Variants in MGAT4C observed in about 807,000 individuals in gnomAD.
MGAT4C encodes MGAT4 family member C.
MGAT4C carries 19 observed loss-of-function variants against 40.1 expected under a neutral mutation model. The observed-to-expected ratio is 0.47, with a 90% CI of 0.33 to 0.70. MGAT4C has a LOEUF of 0.70. Ranked by LOEUF, MGAT4C falls within the 30% of genes least tolerant of loss-of-function variation. The probability of loss-of-function intolerance (pLI) is 0.02; values close to 1 mark genes in which losing one functional copy is unlikely to be tolerated. For synonymous variants in MGAT4C, 181 were observed against 187.1 expected (o/e 0.97, Z 0.27); for missense variants, 491 against 563.2 (o/e 0.87, Z 1.30).
chr12:86,408,793 T>C (rs984904886), intron 3 of MGAT4C, among the ~76,000 whole-genome samples: 24 of 151,958 alleles, frequency 1.6e-4, no homozygotes, highest in Middle Eastern at 3.2e-3. Context: ...AAAGGAGAGA[T>C]AGAACTTCTG....
At chr12:86,379,142 G>T (rs1489312240) in intron 3 of MGAT4C, among the ~76,000 whole-genome samples, 2 of 151,774 alleles carry the variant, frequency 1.3e-5, no homozygotes, top group Non-Finnish European at 2.9e-5. Flanking sequence ...TAAAATATTG[G>T]TAATACTCAT....
chr12:86,729,187 G>T (rs981687945), intron 1 of MGAT4C, among the ~76,000 whole-genome samples: 5 of 152,040 alleles, frequency 3.3e-5, no homozygotes, highest in Non-Finnish European at 7.4e-5. Flanking sequence ...TCATTTAATT[G>T]TACATTTAAA....
intron 2 of MGAT4C, among the ~76,000 whole-genome samples, chr12:86,452,144 T>C (rs575395488): frequency 6.6e-6 from 1 of 152,196 alleles, no homozygotes; most frequent in African/African-American, 2.4e-5. Flanking sequence ...AGAGCTCTTC[T>C]GGCATCCCCA....
chr12:86,829,197 G>A (rs2254436), intron 1 of MGAT4C, among the ~76,000 whole-genome samples: 1 of 151,364 alleles, frequency 6.6e-6, no homozygotes, highest in Non-Finnish European at 1.5e-5. Context: ...AATAATATGA[G>A]AAATTGTTTT....
chr12:86,144,121 A>G (rs1199963103), intron 1 of MGAT4C, among the ~76,000 whole-genome samples: 6 of 152,220 alleles, frequency 3.9e-5, no homozygotes, highest in Non-Finnish European at 8.8e-5. Flanking sequence ...GACAAATTTA[A>G]ACAGAGAGGA....
At chr12:86,635,219 G>A (rs1281924294) in intron 2 of MGAT4C, among the ~76,000 whole-genome samples, 1 of 152,036 alleles carries the variant, frequency 6.6e-6, no homozygotes, top group African/African-American at 2.4e-5. Flanking sequence ...TGATTCTCCG[G>A]TTTTTGCATT....
intron 1 of MGAT4C, among the ~76,000 whole-genome samples, chr12:86,050,729 T>A (rs1471584827): frequency 6.6e-6 from 1 of 152,020 alleles, no homozygotes; most frequent in African/African-American, 2.4e-5. Flanking sequence ...CATTGGAATT[T>A]CCACATTTTT....
intron 4 of MGAT4C, among the ~76,000 whole-genome samples, chr12:86,270,798 C>T (rs1013937542): frequency 2.6e-5 from 4 of 152,076 alleles, no homozygotes; most frequent in Non-Finnish European, 5.9e-5. Flanking sequence ...CTATAGTAAA[C>T]GACATGGTAT....
chr12:86,530,033 T>A (rs867972023), intron 2 of MGAT4C, among the ~76,000 whole-genome samples: 22 of 152,158 alleles, frequency 1.4e-4, no homozygotes, highest in African/African-American at 2.6e-4. Flanking sequence ...GTATCTTTTT[T>A]AATTTATTTA....
At chr12:86,680,027 A>G (rs1949950689) in intron 2 of MGAT4C, among the ~76,000 whole-genome samples, 1 of 151,536 alleles carries the variant, frequency 6.6e-6, no homozygotes, top group African/African-American at 2.4e-5. Flanking sequence ...CCCTCTTGCT[A>G]CCTCTTTCTA....
At chr12:86,764,429 G>A (rs976123765) in intron 1 of MGAT4C, among the ~76,000 whole-genome samples, 3 of 152,078 alleles carry the variant, frequency 2.0e-5, no homozygotes, top group African/African-American at 4.8e-5. Flanking sequence ...TCCACCTCTG[G>A]GGGCAGGGCA....
At chr12:86,629,938 C>A (rs1263595937) in intron 2 of MGAT4C, among the ~76,000 whole-genome samples, 3 of 152,046 alleles carry the variant, frequency 2.0e-5, no homozygotes, top group South Asian at 2.1e-4. Flanking sequence ...GCACAAAAAA[C>A]CATTCAAAAA....
chr12:85,961,616 C>T lies in MGAT4C; in HGVS notation c.*17673G>A, dbSNP rs1883115221. 1 of 151,742 alleles carries T rather than the reference C, an allele frequency of 6.6e-6. No individual in the cohort carries two copies. Among genetic ancestry groups the T allele is most frequent in the African/African-American group, 2.4e-5 (1 of 41,390 alleles). The allele number at this position is 151,742 out of a possible 1,614,324, so 9.4% of individuals were successfully genotyped here. A position where few individuals can be genotyped will look rare whatever the true frequency, so the allele number is the denominator to read the frequency against. On this transcript the variant is annotated 3_prime_UTR_variant, in exon 5 of 5. Coordinates refer to ENST00000611864, the MANE Select transcript of MGAT4C (RefSeq NM_001351288.2). ...TATATGCTTGTCACTATATAAACTTCACCCTAAGGAAATTTCCATGTCAGA... is the reference window on the plus strand; with the variant it reads ...TATATGCTTGTCACTATATAAACTTTACCCTAAGGAAATTTCCATGTCAGA...
chr12:86,079,394 G>C (rs1344298134), intron 1 of MGAT4C, among the ~76,000 whole-genome samples: 1 of 152,154 alleles, frequency 6.6e-6, no homozygotes, highest in African/African-American at 2.4e-5. Context: ...AAGGCAAAGT[G>C]AGGAAACCCT....
intron 1 of MGAT4C, among the ~76,000 whole-genome samples, chr12:86,166,246 A>G (rs1223748754): frequency 6.6e-6 from 1 of 152,216 alleles, no homozygotes; most frequent in African/African-American, 2.4e-5. Context: ...TTAAGATAAT[A>G]AAATGCATCT....
intron 2 of MGAT4C, among the ~76,000 whole-genome samples, chr12:86,577,577 A>T (rs936920846): frequency 6.6e-6 from 1 of 151,854 alleles, no homozygotes; most frequent in Non-Finnish European, 1.5e-5. Context: ...TTCTGTTGAT[A>T]TAATGTTTCA....
At chr12:86,418,092 T>A (rs1312249473) in intron 3 of MGAT4C, among the ~76,000 whole-genome samples, 2 of 152,162 alleles carry the variant, frequency 1.3e-5, no homozygotes, top group Non-Finnish European at 2.9e-5. Flanking sequence ...TGTACATTCT[T>A]TGCACAAACT....
chr12:86,006,887 G>C (rs1164267021), intron 2 of MGAT4C, among the ~76,000 whole-genome samples: 2 of 152,010 alleles, frequency 1.3e-5, no homozygotes, highest in Non-Finnish European at 2.9e-5. Flanking sequence ...TCAGAGTTTA[G>C]CCCAATCTCT....
intron 1 of MGAT4C, among the ~76,000 whole-genome samples, chr12:86,816,093 G>C (rs1431795944): frequency 6.6e-6 from 1 of 151,724 alleles, no homozygotes; most frequent in Non-Finnish European, 1.5e-5. Context: ...ATAAGATTTT[G>C]AGTAGAAAAT....
Sources: gnomAD v4.1 joint callset for allele counts (sites outside exome capture counted in the v4.1 genomes callset) on GRCh38, gnomAD v4.1.1 for gene constraint, MANE v1.5 for transcripts, NCBI Gene and HGNC (gene_info 2026-07-23, HGNC 2026-07-21) for gene names.